Variants in CYP2B6 observed in about 807,000 individuals in gnomAD.
CYP2B6 encodes the protein cytochrome P450 family 2 subfamily B member 6.
Under a neutral mutation model 43.4 loss-of-function variants are expected in CYP2B6, and 35 were observed. The observed-to-expected ratio is 0.81, with a 90% CI of 0.62 to 1.07. CYP2B6 has a LOEUF of 1.07. CYP2B6 is among the 50% of genes least tolerant of loss of function. CYP2B6 has a pLI of 0.00. For synonymous variants in CYP2B6, 239 were observed against 239.2 expected, an observed-to-expected ratio of 1.00 and a Z score of 0.01; for missense variants, 624 against 632.8, an observed-to-expected ratio of 0.99 and a Z score of 0.15.
intron 5 of CYP2B6, 129 bp from the exon 6 acceptor site, chr19:41,009,865 A>T: frequency 9.2e-7 from 1 of 1,089,344 alleles, no homozygotes; most frequent in Non-Finnish European, 1.4e-6. Context: ...GAGGACAGAG[A>T]AAAGCAAACT....
At chr19:41,006,625 G>C (rs1178929273) in intron 3 of CYP2B6, among the ~76,000 whole-genome samples, 4 of 151,908 alleles carry the variant, frequency 2.6e-5, no homozygotes, top group Admixed American at 1.3e-4. Flanking sequence ...CTAAATCCTG[G>C]CCTCAGTAAT....
chr19:41,010,124 CT>C lies in CYP2B6; in HGVS notation c.954del (p.His319MetfsTer13). 6.2e-7 allele frequency: 1 copy of C among 1,613,234 alleles called. No homozygotes were observed. Among genetic ancestry groups the C allele is most frequent in the Non-Finnish European group, 8.5e-7 (1 of 1,180,022 alleles). ...RYGFLLMLKY[P>X]HVAERVYREI... is the part of the protein sequence containing the mutation. The stretch of plus-strand genomic sequence containing the variant: ...GGCTTCCTGCTCATGCTCAAATACC[CT>C]CATGTTGCAGGTGGGCCAGGGACAG... On this transcript the variant is annotated frameshift_variant, in exon 6 of 9. Transcript: ENST00000324071. LOFTEE classifies it high-confidence loss of function.
At chr19:41,007,111 A>T in intron 4 of CYP2B6, 46 bp downstream of exon 4, 2 of 1,578,362 alleles carry the variant, frequency 1.3e-6, no homozygotes, top group South Asian at 2.2e-5. Flanking sequence ...TGAGGTGAAC[A>T]CCCAGAACAC....
chr19:41,016,717 A>G lies in CYP2B6; in HGVS notation c.1366A>G (p.Asn456Asp). ...LFLFFTTILQNFSMASPVAPE... is the reference protein window; with the variant it reads ...LFLFFTTILQDFSMASPVAPE... ...CCTCTTCTTCACCACCATCCTCCAG[A>G]ACTTCTCCATGGCCAGCCCCGTGGC... The change falls in exon 9 of 9, where the codon AAC becomes GAC. Residue 456 changes from asparagine (N) to aspartate (D), a missense_variant. Physicochemically the swap from Asn to Asp is conservative, Grantham distance 23. Transcript: ENST00000324071. The G allele has an allele frequency of 1.2e-6, 2 of 1,614,148 alleles. No homozygotes were observed. The highest frequency in any genetic ancestry group is 1.7e-6 in the Non-Finnish European group (2 of 1,180,014).
Position 41,010,146 on chromosome 19 carries a change from G to A in CYP2B6, c.964+11G>A. On this transcript the variant is annotated intron_variant, in intron 6 of 8. Transcript: ENST00000324071. The stretch of plus-strand genomic sequence containing the variant: ...ACCCTCATGTTGCAGGTGGGCCAGG[G>A]ACAGCCAGTCAAGGGGGTCTTCTGA... 1 of 1,612,470 alleles carries A rather than the reference G, an allele frequency of 6.2e-7. No homozygotes were observed. The highest frequency in any genetic ancestry group is 8.5e-7 in the Non-Finnish European group (1 of 1,179,962).
intron 1 of CYP2B6, among the ~76,000 whole-genome samples, chr19:41,000,380 A>G (rs1037195957): frequency 3.3e-5 from 5 of 152,184 alleles, no homozygotes; most frequent in African/African-American, 4.8e-5. Context: ...ATAGGCATTT[A>G]GTAAATATGT....
chr19:41,004,477 G>C (rs1360059674), intron 3 of CYP2B6, 31 bp downstream of exon 3: 1 of 1,611,120 alleles, frequency 6.2e-7, no homozygotes, highest in Non-Finnish European at 8.5e-7. Flanking sequence ...AGGAAAGAAA[G>C]ACAATGAAAC....
At position 41,004,423 on chromosome 19, in the gene CYP2B6, T is replaced by C. The variant is rs775473137; in HGVS notation, c.461T>C (p.Ile154Thr). ...ATTCAGGAGGAGGCTCAGTGTCTGA[T>C]AGAGGAGCTTCGGAAATCCAAGGGT... Reference protein sequence around the residue: ...ERIQEEAQCLIEELRKSKGAL... With the variant: ...ERIQEEAQCLTEELRKSKGAL... Residue 154 changes from isoleucine (I) to threonine (T), a missense_variant, in exon 3 of 9, where the codon ATA becomes ACA. Ile to Thr is a moderately conservative substitution (Grantham distance 89). Coordinates refer to ENST00000324071, the MANE Select transcript of CYP2B6 (RefSeq NM_000767.5). 1.9e-5 allele frequency: 31 copies of C among 1,613,590 alleles called. No homozygotes were observed. Among genetic ancestry groups the C allele is most frequent in the Non-Finnish European group, 2.6e-5 (31 of 1,179,934 alleles).
chr19:41,008,767 A>G (rs1385301959), intron 4 of CYP2B6, among the ~76,000 whole-genome samples: 2 of 152,212 alleles, frequency 1.3e-5, no homozygotes, highest in Non-Finnish European at 2.9e-5. Context: ...CATCAAAGTA[A>G]TAGAAATAAC....
intron 6 of CYP2B6, among the ~76,000 whole-genome samples, chr19:41,010,788 C>A (rs988115071): frequency 6.6e-5 from 10 of 152,026 alleles, no homozygotes; most frequent in African/African-American, 9.7e-5. Flanking sequence ...TCATTCACCC[C>A]CCTTCTGCTC....
chr19:41,016,399 CAAAAAAAA>C (rs869180190), intron 8 of CYP2B6, among the ~76,000 whole-genome samples: 63 of 76,868 alleles, frequency 8.2e-4, no homozygotes, highest in Admixed American at 6.0e-3. Context: ...GACTCCATCT[CAAAAAAAA>C]AAAAAAAAAA....
At chr19:41,002,082 A>G (rs1969099680) in intron 1 of CYP2B6, among the ~76,000 whole-genome samples, 1 of 152,148 alleles carries the variant, frequency 6.6e-6, no homozygotes, top group African/African-American at 2.4e-5. Context: ...TCAGAGCGGT[A>G]ATAGGGCCAC....
intron 5 of CYP2B6, 82 bp from the exon 6 acceptor site, chr19:41,009,912 G>A (rs1969253364): frequency 6.3e-7 from 1 of 1,578,532 alleles, no homozygotes; most frequent in Admixed American, 1.7e-5. Flanking sequence ...GGCCAACGGA[G>A]GGCAGCCAGG....
chr19:41,001,889 C>T (rs1969095537), intron 1 of CYP2B6, among the ~76,000 whole-genome samples: 1 of 151,254 alleles, frequency 6.6e-6, no homozygotes, highest in South Asian at 2.1e-4. Flanking sequence ...GGGGATATTT[C>T]AGACAGTGAT....
chr19:41,014,234 T>G (rs1479170060), intron 8 of CYP2B6, among the ~76,000 whole-genome samples: 2 of 152,130 alleles, frequency 1.3e-5, no homozygotes, highest in Non-Finnish European at 2.9e-5. Context: ...TTATCTTCAA[T>G]GAAAATTGGG....
intron 6 of CYP2B6, among the ~76,000 whole-genome samples, chr19:41,010,888 T>C (rs1473854677): frequency 6.6e-6 from 1 of 152,162 alleles, no homozygotes; most frequent in Non-Finnish European, 1.5e-5. Context: ...AGTGAGAACA[T>C]GCAATATTTG....
rs1969245141 is a variant in CYP2B6 at position 41,009,525 on chromosome 19, TA to T, written c.822+131del. The T allele has an allele frequency of 3.0e-6, 3 of 998,854 alleles. No homozygotes were observed. The South Asian group carries it at 4.3e-5, about 14-fold the overall frequency. The allele number at this position is 998,854 out of a possible 1,614,324, so 61.9% of individuals were successfully genotyped here. A position where few individuals can be genotyped will look rare whatever the true frequency, so the allele number is the denominator to read the frequency against. On this transcript the variant is annotated intron_variant, in intron 5 of 8. Coordinates refer to ENST00000324071, the MANE Select transcript of CYP2B6 (RefSeq NM_000767.5). ...AGAAGAAAGACTAGGGAGGGGAGAA[TA>T]GGGAAAGGGAGGAGAGAACATGAGG...
chr19:41,002,838 C>T (rs1020233573), intron 1 of CYP2B6, among the ~76,000 whole-genome samples: 13 of 152,204 alleles, frequency 8.5e-5, no homozygotes, highest in South Asian at 4.2e-4. Flanking sequence ...TGAGTCACCA[C>T]GCCTGGCCCT....
In CYP2B6 at chr19:41,009,344, C is replaced by T. The variant is rs1969241761; in HGVS notation, c.771C>T (p.Asp257=). ...HSVEKHRETL[D]PSAPKDLIDT... ...TGGAGAAGCACCGTGAAACCCTGGA[C>T]CCCAGCGCCCCCAAGGACCTCATCG... Residue 257 remains aspartate (D), a synonymous_variant, in exon 5 of 9, where the codon GAC becomes GAT. Transcript: ENST00000324071. 2 of 1,578,610 alleles carry T rather than the reference C, an allele frequency of 1.3e-6. No homozygotes were observed. The highest frequency in any genetic ancestry group is 1.7e-6 in the Non-Finnish European group (2 of 1,152,524).
Sources: gnomAD v4.1 joint callset for allele counts (sites outside exome capture counted in the v4.1 genomes callset) on GRCh38, gnomAD v4.1.1 for gene constraint, MANE v1.5 for transcripts, NCBI Gene and HGNC (gene_info 2026-07-23, HGNC 2026-07-21) for gene names.